Variants in RYR3 observed in about 807,000 individuals in gnomAD.
The protein encoded by RYR3 is brain ryanodine receptor-calcium release channel.
RYR3 carries 207 observed loss-of-function variants against 584.3 expected under a neutral mutation model. The observed-to-expected ratio is 0.35, with a 90% CI of 0.32 to 0.40. The LOEUF (loss-of-function observed/expected upper bound fraction) is 0.40. RYR3 is among the 10% of genes least tolerant of loss of function. The probability of loss-of-function intolerance (pLI) is 1.00; values close to 1 mark genes in which losing one functional copy is unlikely to be tolerated. For synonymous variants in RYR3, 2,416 were observed against 2,248.5 expected (o/e 1.07, Z -2.11); for missense variants, 5,616 against 6,089.2 (o/e 0.92, Z 2.59).
chr15:33,548,064 C>T, intron 8 of RYR3, 66 bp from the exon 9 acceptor site: 1 of 1,134,522 alleles, frequency 8.8e-7, no homozygotes, highest in East Asian at 2.4e-5. Context: ...CTGCAGGGAG[C>T]TGTTCTTCAC....
chr15:33,438,104 A>G (rs1177704967), intron 1 of RYR3, among the ~76,000 whole-genome samples: 2 of 152,178 alleles, frequency 1.3e-5, no homozygotes, highest in African/African-American at 4.8e-5. Flanking sequence ...AAACGATGTG[A>G]TGTTTTTTGA....
intron 38 of RYR3, among the ~76,000 whole-genome samples, chr15:33,688,230 C>T (rs2065156043): frequency 6.6e-6 from 1 of 151,916 alleles, no homozygotes; most frequent in Admixed American, 6.6e-5. Context: ...AAAAAACAAC[C>T]CCATCAAAAA....
intron 66 of RYR3, 105 bp from the exon 67 acceptor site, chr15:33,788,113 A>G (rs1000772631): frequency 7.0e-7 from 1 of 1,419,438 alleles, no homozygotes; most frequent in East Asian, 2.3e-5. Flanking sequence ...GGCAGGTGCC[A>G]TCCTGAGTCG....
At chr15:33,828,155 T>A (rs1048612198) in intron 85 of RYR3, among the ~76,000 whole-genome samples, 1 of 152,230 alleles carries the variant, frequency 6.6e-6, no homozygotes, top group Admixed American at 6.5e-5. Context: ...CTATTGTAAT[T>A]GTTTTGGGGT....
chr15:33,558,921 A>G lies in RYR3; in HGVS notation c.973-3916A>G, dbSNP rs533874188. On this transcript the variant is annotated intron_variant, in intron 10 of 103. Coordinates refer to ENST00000634891, the MANE Select transcript of RYR3 (RefSeq NM_001036.6). ...GAGAGAGTGAGGGGAAGCTGGGGGAAAGCCTTTTCGTGGTTTCCATAGAAA... is the reference window on the plus strand; with the variant it reads ...GAGAGAGTGAGGGGAAGCTGGGGGAGAGCCTTTTCGTGGTTTCCATAGAAA... 3.0e-4 allele frequency among the ~76,000 whole-genome samples: 45 copies of G among 152,204 alleles called. No homozygotes were observed. The South Asian group carries it at 9.1e-3, about 31-fold the overall frequency.
intron 38 of RYR3, among the ~76,000 whole-genome samples, chr15:33,676,640 T>C (rs537653729): frequency 7.1e-6 from 1 of 140,256 alleles, no homozygotes; most frequent in Admixed American, 6.8e-5. Context: ...CCATAGAGGT[T>C]GCAAGAAGAT....
intron 45 of RYR3, among the ~76,000 whole-genome samples, chr15:33,725,184 C>T (rs1161130257): frequency 5.4e-5 from 8 of 147,604 alleles, no homozygotes; most frequent in Non-Finnish European, 6.1e-5. Context: ...CACACACACA[C>T]ACACACACAC....
chr15:33,400,574 G>A (rs919553652), intron 1 of RYR3, among the ~76,000 whole-genome samples: 16 of 152,258 alleles, frequency 1.1e-4, no homozygotes, highest in African/African-American at 3.1e-4. Context: ...AAATTTCTTC[G>A]TGGAGACTTT....
chr15:33,847,008 A>G (rs917631597), intron 93 of RYR3: 6 of 152,252 alleles, frequency 3.9e-5, no homozygotes, highest in Admixed American at 3.3e-4. Flanking sequence ...AGTTCTGTTT[A>G]CGAGAGTATA....
chr15:33,840,671 A>T, intron 89 of RYR3, 154 bp from the exon 90 acceptor site: 1 of 671,800 alleles, frequency 1.5e-6, no homozygotes, highest in South Asian at 1.8e-5. Flanking sequence ...CTTGACATAT[A>T]TAGCAGGACA....
At chr15:33,843,388 A>C (rs2078505827) in intron 91 of RYR3, 100 bp from the exon 92 acceptor site, 8 of 750,424 alleles carry the variant, frequency 1.1e-5, no homozygotes, top group South Asian at 9.3e-5. Flanking sequence ...AGGACGAGTC[A>C]AGTGTGAACT....
At chr15:33,546,950 G>A (rs1187766732) in intron 8 of RYR3, among the ~76,000 whole-genome samples, 1 of 152,154 alleles carries the variant, frequency 6.6e-6, no homozygotes, top group Non-Finnish European at 1.5e-5. Context: ...TTTTAAGTTA[G>A]TGAATGTAAA....
At chr15:33,493,621 T>C (rs1435111) in intron 2 of RYR3, among the ~76,000 whole-genome samples, 106,341 of 152,106 alleles carry the variant, frequency 0.7, 37,604 homozygotes, top group African/African-American at 0.81. Context: ...CACCTTAGCT[T>C]TGTAACATGC....
At chr15:33,584,345 C>T (rs1169132483) in intron 14 of RYR3, 50 bp from the exon 15 acceptor site, 2 of 974,694 alleles carry the variant, frequency 2.1e-6, no homozygotes, top group African/African-American at 1.6e-5. Context: ...GTTCTCACGC[C>T]CATCATTATA....
chr15:33,759,952 A>C (rs1170088311), intron 60 of RYR3, among the ~76,000 whole-genome samples: 1 of 152,322 alleles, frequency 6.6e-6, no homozygotes, highest in South Asian at 2.1e-4. Context: ...CTCAGCAGAA[A>C]CCCTATAAGC....
At position 33,838,617 on chromosome 15, in the gene RYR3, A is replaced by C. The variant is rs761842941; in HGVS notation, c.12637A>C (p.Thr4213Pro). 1 of 1,613,890 alleles carries C rather than the reference A, an allele frequency of 6.2e-7. No homozygotes were observed. The highest frequency in any genetic ancestry group is 1.1e-5 in the South Asian group (1 of 91,050). The stretch of plus-strand genomic sequence containing the variant: ...AGGAATCTTTCAGATCCTCTGGAGC[A>C]CAGTGTTTGGAGGGGGCCTGGTAGA... ...LGGIFQILWSTVFGGGLVEGA... is the reference protein window; with the variant it reads ...LGGIFQILWSPVFGGGLVEGA... Residue 4213 changes from threonine (T) to proline (P), a missense_variant, in exon 89 of 104, where the codon ACA becomes CCA. Thr to Pro is a conservative substitution (Grantham distance 38). Around this residue, in one of 9 missense-constraint regions of RYR3, gnomAD observed 918 missense variants for 887.4 expected, o/e 1.03. Transcript: ENST00000634891.
chr15:33,412,556 C>T lies in RYR3; in HGVS notation c.52-60863C>T, dbSNP rs2043485736. 6.6e-6 allele frequency among the ~76,000 whole-genome samples: 1 copy of T among 152,058 alleles called. No individual in the cohort carries two copies. Among genetic ancestry groups the T allele is most frequent in the Non-Finnish European group, 1.5e-5 (1 of 68,010 alleles). On this transcript the variant is annotated intron_variant, in intron 1 of 103. Coordinates refer to ENST00000634891, the MANE Select transcript of RYR3 (RefSeq NM_001036.6). This position sits in a 1 kb window ranked among gnomAD's most constrained non-coding sequence, Gnocchi z 4.3. ...CCTCTGGAGAAAGGAGAGGAGAGCCCCACGGTTTCTCTTCTGGGTCTAGGG... is the reference window on the plus strand; with the variant it reads ...CCTCTGGAGAAAGGAGAGGAGAGCCTCACGGTTTCTCTTCTGGGTCTAGGG...
chr15:33,865,306 T>C lies in RYR3; in HGVS notation c.*80T>C. 1 of 929,900 alleles carries C rather than the reference T, an allele frequency of 1.1e-6. No homozygotes were observed. The highest frequency in any genetic ancestry group is 1.7e-6 in the Non-Finnish European group (1 of 603,076). The allele number at this position is 929,900 out of a possible 1,614,324, so 57.6% of individuals were successfully genotyped here. A position where few individuals can be genotyped will look rare whatever the true frequency, so the allele number is the denominator to read the frequency against. ...GTCCCCTTTTTACAGTTCTGCAACA[T>C]ATCTGAAATGTGACATTTTCTAAAT... is the stretch of plus-strand genomic sequence containing the variant. On this transcript the variant is annotated 3_prime_UTR_variant, in exon 104 of 104. Coordinates refer to ENST00000634891, the MANE Select transcript of RYR3 (RefSeq NM_001036.6).
chr15:33,637,951 G>A (rs781163860), intron 27 of RYR3, among the ~76,000 whole-genome samples: 2 of 151,504 alleles, frequency 1.3e-5, no homozygotes, highest in Non-Finnish European at 2.9e-5. Context: ...ATCCCTCCCC[G>A]CTCCCCCCAT....
Sources: gnomAD v4.1 joint callset for allele counts (sites outside exome capture counted in the v4.1 genomes callset) on GRCh38, gnomAD v4.1.1 for gene constraint, gnomAD v4.1.1 regional missense constraint, Gnocchi (gnomAD v3.1) non-coding constraint, MANE v1.5 for transcripts, NCBI Gene and HGNC (gene_info 2026-07-23, HGNC 2026-07-21) for gene names.